The following TIMM17A variants were observed in gnomAD, a reference collection of about 807,000 sequenced individuals.
The protein encoded by TIMM17A is mitochondrial import inner membrane translocase subunit Tim17-A.
A neutral mutation model predicts 26.5 loss-of-function variants in TIMM17A; 15 were observed. The ratio of observed to expected loss-of-function variants is 0.57; its 90% CI spans 0.38 to 0.87. The LOEUF is 0.87. TIMM17A is among the 40% of genes least tolerant of loss of function. The pLI is 0.00. For missense variants in TIMM17A, 201 were observed against 210.0 expected (o/e 0.96, Z 0.27); for synonymous variants, 80 against 70.8 (o/e 1.13, Z -0.66).
chr1:201,964,835 AG>A (rs1682599965), intron 4 of TIMM17A, among the ~76,000 whole-genome samples: 1 of 149,218 alleles, frequency 6.7e-6, no homozygotes. Context: ...TTTTTAGTGG[AG>A]ACGGGGTTTT....
chr1:201,956,804 A>G (rs1308155492), intron 1 of TIMM17A, among the ~76,000 whole-genome samples: 2 of 152,208 alleles, frequency 1.3e-5, no homozygotes, highest in East Asian at 3.9e-4. Flanking sequence ...AAAAATACAA[A>G]TATTAGCCGG....
intron 5 of TIMM17A, 89 bp downstream of exon 5, chr1:201,965,632 G>A: frequency 1.2e-6 from 1 of 865,348 alleles, no homozygotes. Flanking sequence ...GATAAAATGT[G>A]TGGTATGTAT....
intron 4 of TIMM17A, among the ~76,000 whole-genome samples, chr1:201,964,488 A>G (rs373772101): frequency 2.1e-4 from 32 of 152,212 alleles, no homozygotes; most frequent in Middle Eastern, 3.4e-3. Context: ...GATAGTGAAT[A>G]TTTTAGGCTT....
intron 2 of TIMM17A, 31 bp from the exon 3 acceptor site, chr1:201,957,480 A>AT: frequency 6.2e-7 from 1 of 1,607,982 alleles, no homozygotes. Context: ...CTTCTAATAT[A>AT]TTTTTTGTTG....
At chr1:201,959,834 AAAC>A (rs1216452987) in intron 3 of TIMM17A, among the ~76,000 whole-genome samples, 85 of 151,200 alleles carry the variant, frequency 5.6e-4, no homozygotes, top group African/African-American at 1.6e-3. Context: ...ATACAAAAAA[AAAC>A]AACAACAAAA....
rs373436805 is a variant in TIMM17A, at chr1:201,957,578, A to G, written c.190+4A>G. 5 of 1,608,486 alleles carry G rather than the reference A, an allele frequency of 3.1e-6. No homozygotes were observed. Among genetic ancestry groups the G allele is most frequent in the African/African-American group, 2.7e-5 (2 of 74,622 alleles). ...ACCAGGGCTCCACAGTTAGGAGGTA[A>G]GCAGAATTTTCATTTTAACTGAACT... On this transcript the variant is annotated splice_donor_region_variant and intron_variant, in intron 3 of 5. Coordinates refer to ENST00000367287, the MANE Select transcript of TIMM17A (RefSeq NM_006335.3).
chr1:201,966,340 C>T (rs1034784714), intron 5 of TIMM17A, among the ~76,000 whole-genome samples: 2 of 151,852 alleles, frequency 1.3e-5, no homozygotes, highest in Admixed American at 6.6e-5. Flanking sequence ...CTAGGCTGGT[C>T]GATGGAGCGA....
chr1:201,958,684 C>G (rs1356722483), intron 3 of TIMM17A, among the ~76,000 whole-genome samples: 2 of 152,074 alleles, frequency 1.3e-5, no homozygotes, highest in African/African-American at 4.8e-5. Context: ...TGACAGAGAC[C>G]CTGTCTCAAA....
At chr1:201,968,400 GT>G (rs546046760) in intron 5 of TIMM17A, among the ~76,000 whole-genome samples, 150 of 141,054 alleles carry the variant, frequency 1.1e-3, no homozygotes, top group East Asian at 3.7e-3. Context: ...GTTTTTGTTT[GT>G]TTTTTTTTTT....
In TIMM17A at chr1:201,969,804, T is replaced by C; in HGVS notation, c.*250T>C. ...AAATGTTTAAATCGCTAAAGGAAAA[T>C]ACAGTAAGTGCTTGAAAGATGAAGG... On this transcript the variant is annotated 3_prime_UTR_variant, in exon 6 of 6. Coordinates refer to ENST00000367287, the MANE Select transcript of TIMM17A (RefSeq NM_006335.3). 3.3e-6 allele frequency: 1 copy of C among 302,600 alleles called. No homozygotes were observed. The highest frequency in any genetic ancestry group is 6.6e-5 in the South Asian group (1 of 15,246). 18.7% of individuals were successfully genotyped at this position (302,600 alleles called of 1,614,324 possible).
At chr1:201,960,089 GTA>G (rs1284557615) in intron 3 of TIMM17A, among the ~76,000 whole-genome samples, 2 of 151,422 alleles carry the variant, frequency 1.3e-5, no homozygotes, top group African/African-American at 4.9e-5. Flanking sequence ...TCTGAATTAA[GTA>G]TGGACTTCAG....
chr1:201,957,275 T>C lies in TIMM17A; in HGVS notation c.27-6T>C, dbSNP rs61821487. On this transcript the variant is annotated splice_region_variant and splice_polypyrimidine_tract_variant and intron_variant, in intron 1 of 5. Transcript: ENST00000367287. ...AATATGGTCTTTTTTTTCCCCCTGTTCTTAGCCCATGGCGAATTGTGGATG... is the reference window on the plus strand; with the variant it reads ...AATATGGTCTTTTTTTTCCCCCTGTCCTTAGCCCATGGCGAATTGTGGATG... 5.0e-6 allele frequency: 8 copies of C among 1,588,136 alleles called. No homozygotes were observed. Among genetic ancestry groups the C allele is most frequent in the Middle Eastern group, 1.7e-4 (1 of 6,006 alleles).
intron 1 of TIMM17A, among the ~76,000 whole-genome samples, chr1:201,956,036 T>C (rs1288103496): frequency 1.3e-5 from 2 of 152,210 alleles, no homozygotes; most frequent in East Asian, 3.8e-4. Flanking sequence ...GCATTTTAAA[T>C]GAATGGAACA....
intron 5 of TIMM17A, among the ~76,000 whole-genome samples, chr1:201,966,981 A>G (rs1434503506): frequency 2.3e-5 from 2 of 88,554 alleles, no homozygotes; most frequent in Admixed American, 1.3e-4. Context: ...TATGTTGTAT[A>G]TTATATATGT....
At chr1:201,961,994 G>A (rs1682542446) in intron 3 of TIMM17A, among the ~76,000 whole-genome samples, 1 of 151,840 alleles carries the variant, frequency 6.6e-6, no homozygotes, top group Admixed American at 6.6e-5. Context: ...ATAGACGTTC[G>A]CCTCATCTGG....
At chr1:201,966,884 C>T (rs1245955455) in intron 5 of TIMM17A, among the ~76,000 whole-genome samples, 2 of 138,548 alleles carry the variant, frequency 1.4e-5, no homozygotes, top group East Asian at 4.1e-4. Flanking sequence ...TATATATATG[C>T]TATATATGTT....
In TIMM17A at chr1:201,963,569, ATGAAAT is replaced by A. The variant is rs563107412; in HGVS notation, c.191-45_191-40del. On this transcript the variant is annotated intron_variant, in intron 3 of 5. Transcript: ENST00000367287. ...TTGACTATAATATTTTAAATGGAAG[ATGAAAT>A]TTAAATTAGTATTTGCTTGTTTCTT... 443 of 1,570,776 alleles carry A rather than the reference ATGAAAT, an allele frequency of 2.8e-4. 2 individuals are homozygous for A. In the African/African-American group the frequency reaches 5.7e-3, roughly 20 times the overall value.
rs147231930 is a variant in TIMM17A, at chr1:201,964,894, C to T, written c.320-539C>T. 5.3e-3 allele frequency among the ~76,000 whole-genome samples: 787 copies of T among 149,414 alleles called. 8 individuals are homozygous for T. Among genetic ancestry groups the T allele is most frequent in the African/African-American group, 0.018 (748 of 40,610 alleles). ...CGATCTCCTGACCTCGTAATCCACC[C>T]ACCTCGGCCTCCCAAAGTGTTGGGA... On this transcript the variant is annotated intron_variant, in intron 4 of 5. Coordinates refer to ENST00000367287, the MANE Select transcript of TIMM17A (RefSeq NM_006335.3).
intron 3 of TIMM17A, chr1:201,957,800 ATTTT>A: frequency 3.2e-6 from 1 of 317,090 alleles, no homozygotes; most frequent in Non-Finnish European, 5.7e-6. Context: ...ACACTCGGTG[ATTTT>A]TTTTTTTTTT....
Sources: allele counts gnomAD v4.1 joint callset (sites outside exome capture counted in the v4.1 genomes callset), GRCh38; gene constraint gnomAD v4.1.1; transcripts MANE v1.5; gene names NCBI Gene and HGNC (gene_info 2026-07-23, HGNC 2026-07-21).